Variants in SLC8A1 observed in about 807,000 individuals in gnomAD.
The protein encoded by SLC8A1 is solute carrier family 8 member A1.
In SLC8A1, 18 loss-of-function variants were observed where a neutral mutation model predicts 68.3. The ratio of observed to expected loss-of-function variants is 0.26; its 90% CI spans 0.18 to 0.39. SLC8A1 has a LOEUF of 0.39. Ranked by LOEUF, SLC8A1 falls within the 10% of genes least tolerant of loss-of-function variation. The probability of loss-of-function intolerance (pLI) is 1.00; values close to 1 mark genes in which losing one functional copy is unlikely to be tolerated. For synonymous variants in SLC8A1, 475 were observed against 415.5 expected (o/e 1.14, Z -1.74); for missense variants, 985 against 1,156.7 (o/e 0.85, Z 2.15).
At chr2:40,342,323 T>A (rs149004411) in intron 2 of SLC8A1, among the ~76,000 whole-genome samples, 58 of 152,232 alleles carry the variant, frequency 3.8e-4, no homozygotes, top group African/African-American at 1.3e-3. Context: ...GATCTCTAAT[T>A]AATAAATGAA....
intron 2 of SLC8A1, among the ~76,000 whole-genome samples, chr2:40,219,647 T>C (rs1456028176): frequency 1.3e-5 from 2 of 152,222 alleles, no homozygotes; most frequent in South Asian, 2.1e-4. Context: ...TTTTTTCTTC[T>C]CTTCAGACTT....
At chr2:40,267,711 C>T (rs1198158722) in intron 2 of SLC8A1, among the ~76,000 whole-genome samples, 1 of 152,174 alleles carries the variant, frequency 6.6e-6, no homozygotes, top group Non-Finnish European at 1.5e-5. Flanking sequence ...TGTTGTGCTA[C>T]GTGTTTCACT....
intron 2 of SLC8A1, among the ~76,000 whole-genome samples, chr2:40,395,198 G>T (rs1325561668): frequency 1.3e-5 from 2 of 152,140 alleles, no homozygotes; most frequent in Non-Finnish European, 2.9e-5. Flanking sequence ...AAGTCTAAAA[G>T]AAGTAGAGAA....
chr2:40,324,032 G>C (rs1014715342), intron 2 of SLC8A1, among the ~76,000 whole-genome samples: 11 of 151,728 alleles, frequency 7.2e-5, no homozygotes, highest in South Asian at 2.1e-4. Flanking sequence ...TAAAGGTGGG[G>C]GGGGGGCTGT....
chr2:40,244,418 G>A (rs1029454142), intron 2 of SLC8A1, among the ~76,000 whole-genome samples: 1 of 152,082 alleles, frequency 6.6e-6, no homozygotes, highest in Non-Finnish European at 1.5e-5. Flanking sequence ...CAGGCTGGGA[G>A]TTGTCCGATG....
At chr2:40,344,959 AT>A (rs1281503092) in intron 2 of SLC8A1, among the ~76,000 whole-genome samples, 1 of 152,144 alleles carries the variant, frequency 6.6e-6, no homozygotes, top group Non-Finnish European at 1.5e-5. Context: ...GGATGGACAA[AT>A]TCTAGAGGAC....
At chr2:40,471,971 A>T (rs1050853740) in intron 1 of SLC8A1, among the ~76,000 whole-genome samples, 6 of 152,204 alleles carry the variant, frequency 3.9e-5, no homozygotes, top group African/African-American at 1.4e-4. Flanking sequence ...ATTAGGATAG[A>T]GAACTCTTCC....
chr2:40,431,103 C>A (rs922995223), intron 1 of SLC8A1, among the ~76,000 whole-genome samples: 1 of 152,162 alleles, frequency 6.6e-6, no homozygotes, highest in Non-Finnish European at 1.5e-5. Flanking sequence ...AGCTGGGCAT[C>A]TGGTTCTTCA....
At chr2:40,236,614 T>G (rs577830667) in intron 2 of SLC8A1, among the ~76,000 whole-genome samples, 15 of 151,300 alleles carry the variant, frequency 9.9e-5, no homozygotes, top group South Asian at 2.1e-4. Context: ...AAAGTTAATA[T>G]TGTTATGTGT....
chr2:40,440,839 G>C (rs1003123623), intron 1 of SLC8A1, among the ~76,000 whole-genome samples: 1 of 152,136 alleles, frequency 6.6e-6, no homozygotes, highest in Non-Finnish European at 1.5e-5. Context: ...ATGGGCAAAA[G>C]CTGGAAGCAT....
intron 7 of SLC8A1, among the ~76,000 whole-genome samples, chr2:40,130,527 G>A (rs1413076025): frequency 6.6e-6 from 1 of 152,248 alleles, no homozygotes; most frequent in African/African-American, 2.4e-5. Flanking sequence ...AGTGTCCCTG[G>A]TTAGCTTTGC....
In SLC8A1 at chr2:40,139,339, A is replaced by G. The variant is rs930816174; in HGVS notation, c.2437+62T>C. ...CAGCCCTTGAAATTGTAGGAAAGAA[A>G]GTGTCAAGAAGGCAAATGAACTTCT... is the stretch of plus-strand genomic sequence containing the variant. On this transcript the variant is annotated intron_variant, in intron 7 of 7. Coordinates refer to ENST00000406785, the Ensembl canonical transcript of SLC8A1. 5.5e-5 allele frequency: 86 copies of G among 1,568,322 alleles called. 1 individual carries two copies. The highest frequency in any genetic ancestry group is 4.8e-5 in the Non-Finnish European group (55 of 1,147,818).
At chr2:40,249,047 C>T (rs138681993) in intron 2 of SLC8A1, among the ~76,000 whole-genome samples, 10 of 152,328 alleles carry the variant, frequency 6.6e-5, no homozygotes, top group African/African-American at 2.4e-4. Context: ...AGCTTGCCAA[C>T]TGTCCCTGGG....
At chr2:40,151,026 G>A (rs561134935) in intron 6 of SLC8A1, among the ~76,000 whole-genome samples, 7 of 152,122 alleles carry the variant, frequency 4.6e-5, no homozygotes, top group South Asian at 4.1e-4. Context: ...CATGTCCTCC[G>A]CTTTTCCTCT....
chr2:40,267,552 A>T (rs1455523276), intron 2 of SLC8A1, among the ~76,000 whole-genome samples: 1 of 152,194 alleles, frequency 6.6e-6, no homozygotes, highest in Admixed American at 6.5e-5. Flanking sequence ...GCTTTGTGAA[A>T]GCAGGAAATA....
chr2:40,236,806 A>C (rs1367809378), intron 2 of SLC8A1, among the ~76,000 whole-genome samples: 1 of 150,812 alleles, frequency 6.6e-6, no homozygotes, highest in Non-Finnish European at 1.5e-5. Context: ...GTGGTGACAA[A>C]ATCTCTCAGC....
At chr2:40,321,185 C>CA (rs1379292524) in intron 2 of SLC8A1, among the ~76,000 whole-genome samples, 3 of 152,180 alleles carry the variant, frequency 2.0e-5, no homozygotes, top group East Asian at 3.9e-4. Flanking sequence ...TTCTGTCGTA[C>CA]AAATCCAACA....
chr2:40,414,367 A>G (rs1466561308), intron 2 of SLC8A1, among the ~76,000 whole-genome samples: 1 of 152,184 alleles, frequency 6.6e-6, no homozygotes, highest in Non-Finnish European at 1.5e-5. Flanking sequence ...GGTGTGTTTT[A>G]ATGTGACAGT....
At chr2:40,240,315 T>C (rs1209681042) in intron 2 of SLC8A1, among the ~76,000 whole-genome samples, 2 of 152,174 alleles carry the variant, frequency 1.3e-5, no homozygotes, top group African/African-American at 2.4e-5. Context: ...AGAAGGCCCC[T>C]GAGACAGTGT....
Sources: allele counts gnomAD v4.1 joint callset (sites outside exome capture counted in the v4.1 genomes callset), GRCh38; gene constraint gnomAD v4.1.1; transcripts MANE v1.5; gene names NCBI Gene and HGNC (gene_info 2026-07-23, HGNC 2026-07-21).